Variants in TMC2 observed in about 807,000 individuals in gnomAD.
TMC2 encodes transmembrane channel like 2.
In TMC2, 102 loss-of-function variants were observed where a neutral mutation model predicts 105.9. The ratio of observed to expected loss-of-function variants is 0.96; its 90% CI spans 0.82 to 1.14. The LOEUF (loss-of-function observed/expected upper bound fraction) is 1.14. TMC2 is among the 50% of genes most tolerant of loss of function. TMC2 has a pLI of 0.00. For synonymous variants in TMC2, 402 were observed against 422.8 expected (o/e 0.95, Z 0.60); for missense variants, 1,093 against 1,134.3 (o/e 0.96, Z 0.52).
At chr20:2,638,600 C>T (rs1389646974) in intron 19 of TMC2, among the ~76,000 whole-genome samples, 1 of 152,014 alleles carries the variant, frequency 6.6e-6, no homozygotes, top group Non-Finnish European at 1.5e-5. Context: ...GTGTTATTGC[C>T]CCTGAAGACC....
intron 7 of TMC2, among the ~76,000 whole-genome samples, chr20:2,581,847 T>C (rs1200085102): frequency 6.6e-6 from 1 of 152,258 alleles, no homozygotes; most frequent in African/African-American, 2.4e-5. Context: ...GGAACATTTA[T>C]TTTAAACAAT....
At position 2,537,258 on chromosome 20, in the gene TMC2, G is replaced by C; in HGVS notation, c.35-11G>C. 6.3e-7 allele frequency: 1 copy of C among 1,598,820 alleles called. No individual in the cohort carries two copies. Among genetic ancestry groups the C allele is most frequent in the Non-Finnish European group, 8.5e-7 (1 of 1,172,654 alleles). On this transcript the variant is annotated splice_polypyrimidine_tract_variant and intron_variant, in intron 1 of 19. Transcript: ENST00000358864. ...AGGCCAGCCATTTGTCAGCAATCCTGTCTCTTACAGCACGAGGCGGAGTGA... is the reference window on the plus strand; with the variant it reads ...AGGCCAGCCATTTGTCAGCAATCCTCTCTCTTACAGCACGAGGCGGAGTGA...
Position 2,642,058 on chromosome 20 carries a change from C to T in TMC2, c.*707C>T, listed in dbSNP as rs1005319482. Among the ~76,000 whole-genome samples the T allele has an allele frequency of 6.9e-6, 1 of 144,698 alleles. No homozygotes were observed. Among genetic ancestry groups the T allele is most frequent in the Non-Finnish European group, 1.5e-5 (1 of 66,398 alleles). The allele number at this position is 144,698 out of a possible 152,430, so 94.9% of individuals were successfully genotyped here. On this transcript the variant is annotated 3_prime_UTR_variant, in exon 20 of 20. Coordinates refer to ENST00000358864, the MANE Select transcript of TMC2 (RefSeq NM_080751.3). ...TAAGATCACGTCACTGCACTCCAGT[C>T]TGGGCAACAGAGTGAGACGCTGTCT... is the stretch of plus-strand genomic sequence containing the variant.
intron 2 of TMC2, among the ~76,000 whole-genome samples, chr20:2,547,685 A>G (rs2085933504): frequency 6.6e-6 from 1 of 152,234 alleles, no homozygotes; most frequent in Admixed American, 6.5e-5. Flanking sequence ...CTTAAAAACA[A>G]ACAAAATTGT....
Position 2,641,334 on chromosome 20 carries a change from C to T in TMC2, c.2704C>T (p.Gln902Ter), listed in dbSNP as rs768703701. 4 of 1,613,238 alleles carry T rather than the reference C, an allele frequency of 2.5e-6. No individual in the cohort carries two copies. The highest frequency in any genetic ancestry group is 3.4e-6 in the Non-Finnish European group (4 of 1,179,302). ...PWRSASGKSA[Q>*]RPPH is the part of the protein sequence containing the mutation. ...GAGGTCAGCCTCTGGAAAGAGTGCT[C>T]AGAGACCTCCCCACTGATGGCTAGG... is the stretch of plus-strand genomic sequence containing the variant. Residue 902 changes from glutamine (Q) to a stop codon, truncating the protein, a stop_gained, in exon 20 of 20, where the codon CAG becomes TAG. Transcript: ENST00000358864. LOFTEE classifies it high-confidence loss of function.
rs576709221 is a variant in TMC2, at chr20:2,550,421, A to G, written c.83-8035A>G. On this transcript the variant is annotated intron_variant, in intron 2 of 19. Coordinates refer to ENST00000358864, the MANE Select transcript of TMC2 (RefSeq NM_080751.3). ...TAACCTTCTTTCCTCCCCTCACCGA[A>G]TGTTTCTCCTAGCATGTCGCATTGG... 2.8e-4 allele frequency among the ~76,000 whole-genome samples: 43 copies of G among 152,258 alleles called. No individual in the cohort carries two copies. In the South Asian group the frequency reaches 3.7e-3, roughly 13 times the overall value.
intron 14 of TMC2, chr20:2,613,787 C>A: frequency 4.1e-6 from 1 of 241,604 alleles, no homozygotes; most frequent in Non-Finnish European, 8.2e-6. Context: ...CCTTATAGCC[C>A]TCTTCCCCAC....
At chr20:2,603,279 A>G (rs922699240) in intron 11 of TMC2, among the ~76,000 whole-genome samples, 2 of 151,834 alleles carry the variant, frequency 1.3e-5, no homozygotes, top group African/African-American at 4.8e-5. Flanking sequence ...ATTAATAATA[A>G]GAAAGAGTTT....
intron 7 of TMC2, among the ~76,000 whole-genome samples, chr20:2,584,947 C>G (rs936597488): frequency 6.6e-6 from 1 of 152,178 alleles, no homozygotes; most frequent in South Asian, 2.1e-4. Context: ...CTAAATTTCT[C>G]TAGTACCCAC....
chr20:2,588,721 G>GTGTT lies in TMC2; in HGVS notation c.835-3588_835-3587insGTTT. ...TGTGTGTGTGTGTGTGTGTGTGTGTGTCTTGTCTCAGTGAGCCTTGTCTCT... is the reference window on the plus strand; with the variant it reads ...TGTGTGTGTGTGTGTGTGTGTGTGTGTGTTTCTTGTCTCAGTGAGCCTTGTCTCT... On this transcript the variant is annotated intron_variant, in intron 7 of 19. Coordinates refer to ENST00000358864, the MANE Select transcript of TMC2 (RefSeq NM_080751.3). Among the ~76,000 whole-genome samples, 3 of 151,714 alleles carry GTGTT rather than the reference G, an allele frequency of 2.0e-5. No individual in the cohort carries two copies. The South Asian group carries it at 6.3e-4, about 32-fold the overall frequency.
At chr20:2,545,769 A>C (rs531608675) in intron 2 of TMC2, among the ~76,000 whole-genome samples, 1 of 151,584 alleles carries the variant, frequency 6.6e-6, no homozygotes, top group Non-Finnish European at 1.5e-5. Flanking sequence ...ACGAGGAAGA[A>C]GAAGATGAAG....
chr20:2,634,763 G>C (rs1447447447), intron 17 of TMC2, among the ~76,000 whole-genome samples: 2 of 152,180 alleles, frequency 1.3e-5, no homozygotes, highest in Non-Finnish European at 2.9e-5. Flanking sequence ...GGCAAGGACT[G>C]GCCCAGAGTA....
intron 17 of TMC2, among the ~76,000 whole-genome samples, chr20:2,630,108 CA>C (rs2086593058): frequency 1.3e-5 from 2 of 151,800 alleles, no homozygotes; most frequent in Non-Finnish European, 2.9e-5. Context: ...ATAATAAGTC[CA>C]AAAAATATTT....
intron 10 of TMC2, among the ~76,000 whole-genome samples, chr20:2,600,755 C>T (rs147434670): frequency 0.025 from 3,820 of 151,530 alleles, 167 homozygotes; most frequent in African/African-American, 0.085. Context: ...ACCTGGGAGG[C>T]GGAGCTTGCA....
intron 7 of TMC2, among the ~76,000 whole-genome samples, chr20:2,582,522 T>C (rs987144501): frequency 2.0e-5 from 3 of 152,150 alleles, no homozygotes; most frequent in African/African-American, 7.2e-5. Context: ...ATCTCCTGGG[T>C]TGGAGTGCAG....
chr20:2,571,233 T>A (rs767639620), intron 4 of TMC2, among the ~76,000 whole-genome samples: 9 of 151,818 alleles, frequency 5.9e-5, no homozygotes, highest in Non-Finnish European at 1.2e-4. Flanking sequence ...ATGGAGAAAA[T>A]ATTCTCAAAC....
chr20:2,618,662 G>A (rs548552024), intron 16 of TMC2, among the ~76,000 whole-genome samples: 1 of 152,306 alleles, frequency 6.6e-6, no homozygotes, highest in South Asian at 2.1e-4. Flanking sequence ...ATGTAAGGAG[G>A]TAGATCAAGA....
At chr20:2,591,756 A>AAAAGAAAAGG (rs2086270644) in intron 7 of TMC2, among the ~76,000 whole-genome samples, 3 of 150,954 alleles carry the variant, frequency 2.0e-5, no homozygotes, top group African/African-American at 7.3e-5. Context: ...AAAAGAAAAG[A>AAAAGAAAAGG]AAAGGAAAGG....
At chr20:2,575,571 A>C (rs1282009489) in intron 5 of TMC2, among the ~76,000 whole-genome samples, 2 of 152,226 alleles carry the variant, frequency 1.3e-5, no homozygotes, top group Non-Finnish European at 2.9e-5. Context: ...AATTAAGTAC[A>C]CAATACCATG....
Sources: allele counts gnomAD v4.1 joint callset (sites outside exome capture counted in the v4.1 genomes callset), GRCh38; gene constraint gnomAD v4.1.1; transcripts MANE v1.5; gene names NCBI Gene and HGNC (gene_info 2026-07-23, HGNC 2026-07-21).